GRAMD1B: variants seen among roughly 807,000 people sequenced by gnomAD.
The protein encoded by GRAMD1B is protein Aster-B.
A neutral mutation model predicts 99.7 loss-of-function variants in GRAMD1B; 37 were observed. That is an observed-to-expected ratio of 0.37 (90% CI 0.29 to 0.49). The LOEUF (loss-of-function observed/expected upper bound fraction) is 0.49. Among genes scored for constraint, GRAMD1B ranks in the 20% least tolerant of loss-of-function variants. The probability of loss-of-function intolerance (pLI) is 0.98; values close to 1 mark genes in which losing one functional copy is unlikely to be tolerated. For missense variants in GRAMD1B, 888 were observed against 1,009.2 expected (o/e 0.88, Z 1.63); for synonymous variants, 427 against 387.6 (o/e 1.10, Z -1.19).
intron 2 of GRAMD1B, among the ~76,000 whole-genome samples, chr11:123,545,812 A>T (rs1944996553): frequency 6.6e-6 from 1 of 152,126 alleles, no homozygotes; most frequent in Non-Finnish European, 1.5e-5. Flanking sequence ...ATAATCTCTT[A>T]TCAGCAAGGT....
chr11:123,549,861 C>A (rs1031768130), intron 2 of GRAMD1B, among the ~76,000 whole-genome samples: 6 of 152,186 alleles, frequency 3.9e-5, no homozygotes, highest in East Asian at 3.9e-4. Context: ...AATGCATGAG[C>A]AGCCCAGGTG....
intron 2 of GRAMD1B, among the ~76,000 whole-genome samples, chr11:123,532,530 C>T (rs1943503006): frequency 6.6e-6 from 1 of 152,292 alleles, no homozygotes; most frequent in South Asian, 2.1e-4. Flanking sequence ...CGGGCTGATG[C>T]CTCTTCCTAA....
At chr11:123,421,014 T>G (rs1382957939) in intron 1 of GRAMD1B, among the ~76,000 whole-genome samples, 1 of 152,240 alleles carries the variant, frequency 6.6e-6, no homozygotes, top group East Asian at 1.9e-4. Context: ...GTCCTAGGTA[T>G]CATATATTTG....
chr11:123,361,071 C>G (rs1946132988), intron 1 of GRAMD1B, among the ~76,000 whole-genome samples: 2 of 152,106 alleles, frequency 1.3e-5, no homozygotes, highest in South Asian at 4.1e-4. Context: ...CCACCTCAGC[C>G]TCCCAAAGTG....
At chr11:123,573,181 G>C (rs1333206501) in intron 2 of GRAMD1B, among the ~76,000 whole-genome samples, 1 of 152,174 alleles carries the variant, frequency 6.6e-6, no homozygotes, top group East Asian at 1.9e-4. Flanking sequence ...AGCTCAGTTA[G>C]ACCCCGATGG....
chr11:123,420,346 A>G (rs1189386081), intron 1 of GRAMD1B, among the ~76,000 whole-genome samples: 1 of 152,196 alleles, frequency 6.6e-6, no homozygotes, highest in Non-Finnish European at 1.5e-5. Flanking sequence ...CTTAACAGGT[A>G]AGAGGTATTA....
intron 1 of GRAMD1B, among the ~76,000 whole-genome samples, chr11:123,377,463 G>A (rs1047596349): frequency 6.6e-6 from 1 of 152,102 alleles, no homozygotes; most frequent in Non-Finnish European, 1.5e-5. Flanking sequence ...TTGAGCAGTC[G>A]CCAGAGTATA....
At chr11:123,379,513 C>T (rs1431397121) in intron 1 of GRAMD1B, among the ~76,000 whole-genome samples, 2 of 152,186 alleles carry the variant, frequency 1.3e-5, no homozygotes, top group Non-Finnish European at 2.9e-5. Flanking sequence ...ATCATCACTT[C>T]ATTCCTGTTT....
At chr11:123,553,426 A>C (rs1300291990) in intron 2 of GRAMD1B, among the ~76,000 whole-genome samples, 1 of 152,192 alleles carries the variant, frequency 6.6e-6, no homozygotes, top group Non-Finnish European at 1.5e-5. Flanking sequence ...AGGCTTTCAT[A>C]TGTATCCATG....
intron 1 of GRAMD1B, among the ~76,000 whole-genome samples, chr11:123,401,388 C>A (rs563001393): frequency 6.6e-6 from 1 of 152,358 alleles, no homozygotes; most frequent in South Asian, 2.1e-4. Flanking sequence ...GGACCTCATC[C>A]CCACAGTCAC....
intron 2 of GRAMD1B, among the ~76,000 whole-genome samples, chr11:123,543,085 G>A (rs1249712085): frequency 6.6e-6 from 1 of 151,442 alleles, no homozygotes; most frequent in African/African-American, 2.4e-5. Flanking sequence ...TATACCTCTC[G>A]ATTTTACTGC....
intron 2 of GRAMD1B, chr11:123,560,679 G>GGTGTGTGT: frequency 2.3e-6 from 1 of 435,990 alleles, no homozygotes; most frequent in South Asian, 1.6e-5. Context: ...GCTGACGCCT[G>GGTGTGTGT]GTGCGTGTGT....
intron 1 of GRAMD1B, among the ~76,000 whole-genome samples, chr11:123,385,875 G>A (rs372941270): frequency 2.0e-5 from 3 of 152,158 alleles, no homozygotes; most frequent in East Asian, 3.9e-4. Context: ...GTGTGTGTGT[G>A]TAATGATGCT....
chr11:123,590,748 G>A (rs542990746), intron 4 of GRAMD1B, among the ~76,000 whole-genome samples: 12 of 152,334 alleles, frequency 7.9e-5, no homozygotes, highest in South Asian at 2.1e-4. Flanking sequence ...CTCTGCCTGG[G>A]TGAGGGCTGT....
intron 1 of GRAMD1B, among the ~76,000 whole-genome samples, chr11:123,384,409 G>A (rs1320361797): frequency 6.6e-6 from 1 of 151,998 alleles, no homozygotes; most frequent in African/African-American, 2.4e-5. Context: ...TTCCTCCTTG[G>A]TCTTTGTGCT....
At chr11:123,583,330 ATG>A (rs541910669) in intron 3 of GRAMD1B, among the ~76,000 whole-genome samples, 1,755 of 138,450 alleles carry the variant, frequency 0.013, 31 homozygotes, top group African/African-American at 0.045. Flanking sequence ...ATGTGTGTGC[ATG>A]TGTGTGGTGT....
chr11:123,449,492 G>A (rs573151101), intron 1 of GRAMD1B, among the ~76,000 whole-genome samples: 5 of 152,280 alleles, frequency 3.3e-5, no homozygotes, highest in African/African-American at 1.2e-4. Context: ...GTACTATTAT[G>A]TATTGGCTTG....
intron 10 of GRAMD1B, among the ~76,000 whole-genome samples, chr11:123,606,049 G>T (rs1249341801): frequency 6.6e-6 from 1 of 152,158 alleles, no homozygotes; most frequent in Non-Finnish European, 1.5e-5. Flanking sequence ...AACAGGTAGG[G>T]TTCTTCAGGA....
chr11:123,494,209 T>C (rs3016471), intron 2 of GRAMD1B, among the ~76,000 whole-genome samples: 122,420 of 152,062 alleles, frequency 0.81, 49,973 homozygotes, highest in African/African-American at 0.95. Flanking sequence ...TTTTTGTTAA[T>C]GCTGACATTC....
Sources: gnomAD v4.1 joint callset for allele counts (sites outside exome capture counted in the v4.1 genomes callset) on GRCh38, gnomAD v4.1.1 for gene constraint, MANE v1.5 for transcripts, NCBI Gene and HGNC (gene_info 2026-07-23, HGNC 2026-07-21) for gene names.